ZPBP: variants seen among roughly 807,000 people sequenced by gnomAD.
ZPBP encodes the protein zona pellucida-binding protein 1.
A neutral mutation model predicts 44.8 loss-of-function variants in ZPBP; 26 were observed. The observed-to-expected ratio is 0.58, with a 90% CI of 0.43 to 0.81. The LOEUF (loss-of-function observed/expected upper bound fraction) is 0.81. Among genes scored for constraint, ZPBP ranks in the 30% least tolerant of loss-of-function variants. The probability of loss-of-function intolerance (pLI) is 0.00; values close to 1 mark genes in which losing one functional copy is unlikely to be tolerated. For synonymous variants in ZPBP, 174 were observed against 153.2 expected (o/e 1.14, Z -1.00); for missense variants, 409 against 434.0 (o/e 0.94, Z 0.51).
chr7:49,939,414 A>T (rs1045702140), intron 7 of ZPBP, among the ~76,000 whole-genome samples: 1 of 152,200 alleles, frequency 6.6e-6, no homozygotes. Context: ...TCCTATGTGT[A>T]GCACTCCTTC....
chr7:49,969,124 G>C (rs1796179185), intron 7 of ZPBP, among the ~76,000 whole-genome samples: 1 of 149,988 alleles, frequency 6.7e-6, no homozygotes, highest in South Asian at 2.1e-4. Context: ...CTTGTGATTA[G>C]TGATCTATAT....
the ZPBP span, among the ~76,000 whole-genome samples, chr7:49,843,340 A>G: frequency 6.6e-6 from 1 of 152,182 alleles, no homozygotes; most frequent in Non-Finnish European, 1.5e-5. Context: ...GAAACATCAG[A>G]TGTGAAAAAT....
chr7:50,086,142 A>T (rs1802634834), intron 2 of ZPBP, among the ~76,000 whole-genome samples: 1 of 152,152 alleles, frequency 6.6e-6, no homozygotes, highest in African/African-American at 2.4e-5. Context: ...GTTATGGGAT[A>T]AAGAATACAT....
At chr7:49,937,723 G>A (rs1316131555) in intron 7 of ZPBP, 101 bp from the exon 8 acceptor site, 1 of 928,942 alleles carries the variant, frequency 1.1e-6, no homozygotes, top group East Asian at 2.6e-5. Context: ...GTAGTATTAA[G>A]CATATTCACA....
At chr7:49,973,872 A>G (rs1796396448) in intron 7 of ZPBP, among the ~76,000 whole-genome samples, 1 of 152,312 alleles carries the variant, frequency 6.6e-6, no homozygotes, top group East Asian at 1.9e-4. Flanking sequence ...ACTAATGCTA[A>G]TAAAAGCATC....
At chr7:50,072,184 C>T (rs1801871358) in intron 3 of ZPBP, among the ~76,000 whole-genome samples, 1 of 152,140 alleles carries the variant, frequency 6.6e-6, no homozygotes, top group Non-Finnish European at 1.5e-5. Context: ...AAGCATGGGC[C>T]TTAAGGGAAC....
intron 5 of ZPBP, 138 bp from the exon 6 acceptor site, chr7:50,018,454 C>G: frequency 1.5e-6 from 1 of 685,414 alleles, no homozygotes; most frequent in Non-Finnish European, 2.4e-6. Flanking sequence ...TGCTAAATGA[C>G]TCTTCAGCAA....
At chr7:50,011,793 T>G (rs1798596331) in intron 6 of ZPBP, among the ~76,000 whole-genome samples, 1 of 152,140 alleles carries the variant, frequency 6.6e-6, no homozygotes, top group Admixed American at 6.6e-5. Context: ...GGCTCATGAC[T>G]GTAATCCCAG....
intron 7 of ZPBP, among the ~76,000 whole-genome samples, chr7:49,981,535 A>AT (rs1317883762): frequency 1.5e-4 from 4 of 27,390 alleles, no homozygotes; most frequent in African/African-American, 8.5e-4. Context: ...TATATATTAT[A>AT]ATTTTATATA....
chr7:49,977,966 C>T (rs1426677638), intron 7 of ZPBP, among the ~76,000 whole-genome samples: 2 of 151,952 alleles, frequency 1.3e-5, no homozygotes, highest in Non-Finnish European at 2.9e-5. Context: ...TTCTGATACA[C>T]CTATGAGTTT....
Position 50,056,755 on chromosome 7 carries a change from A to G in ZPBP, c.487+1234T>C, listed in dbSNP as rs527624897. 2.6e-5 allele frequency among the ~76,000 whole-genome samples: 4 copies of G among 152,216 alleles called. No individual in the cohort carries two copies. The East Asian group carries it at 7.7e-4, about 29-fold the overall frequency. ...TAGCCTCATGCATTTCGAGGAAATC[A>G]CCTCTCTTCTAATTACAAGCAGCCA... On this transcript the variant is annotated intron_variant, in intron 4 of 7. Coordinates refer to ENST00000046087, the MANE Select transcript of ZPBP (RefSeq NM_007009.3).
At chr7:49,889,189 C>A (rs1792027193) in intron 2 of ZPBP, among the ~76,000 whole-genome samples, 3 of 152,178 alleles carry the variant, frequency 2.0e-5, no homozygotes, top group African/African-American at 7.2e-5. Context: ...ACATCACAAA[C>A]AAGCTGATGT....
At position 49,881,670 on chromosome 7, in the gene ZPBP, T is replaced by C. The variant is rs542512862; in HGVS notation, n.509+19448A>G. On this transcript the variant is annotated intron_variant and non_coding_transcript_variant, in intron 2 of 2. Coordinates refer to the ZPBP transcript ENST00000465922. ...CACTACAATATTATTTCAGAATATA[T>C]TAGTTTTCCCTAAAAGTCTTTGGTT... Among the ~76,000 whole-genome samples, 17 of 152,332 alleles carry C rather than the reference T, an allele frequency of 1.1e-4. No homozygotes were observed. In the East Asian group the frequency reaches 3.3e-3, roughly 29 times the overall value.
intron 4 of ZPBP, among the ~76,000 whole-genome samples, chr7:50,032,863 T>C (rs903742855): frequency 6.6e-6 from 1 of 152,216 alleles, no homozygotes; most frequent in Admixed American, 6.5e-5. Flanking sequence ...AGATGATTCA[T>C]GGAATAGACT....
chr7:49,861,673 T>C (rs1790657938), intron 2 of ZPBP, among the ~76,000 whole-genome samples: 1 of 152,228 alleles, frequency 6.6e-6, no homozygotes, highest in African/African-American at 2.4e-5. Flanking sequence ...TTTTTGTATA[T>C]GGTATGAGGT....
chr7:49,866,562 TTGCC>T (rs1187296745), intron 2 of ZPBP, among the ~76,000 whole-genome samples: 121 of 152,334 alleles, frequency 7.9e-4, no homozygotes, highest in African/African-American at 2.7e-3. Context: ...GAGTTCGGGC[TTGCC>T]CATGTGACTC....
chr7:49,845,117 C>A, the ZPBP span, among the ~76,000 whole-genome samples: 4 of 152,008 alleles, frequency 2.6e-5, no homozygotes, highest in Non-Finnish European at 4.4e-5. Flanking sequence ...ACAACACACA[C>A]GGGGCCTGTC....
At chr7:49,846,433 A>C (rs1789948542), downstream of ZPBP, among the ~76,000 whole-genome samples, 2 of 152,196 alleles carry the variant, frequency 1.3e-5, no homozygotes, top group African/African-American at 4.8e-5. Flanking sequence ...TGACATCTGC[A>C]GAACAACATA....
chr7:50,035,655 A>T (rs1484659456), intron 4 of ZPBP, among the ~76,000 whole-genome samples: 1 of 152,192 alleles, frequency 6.6e-6, no homozygotes, highest in African/African-American at 2.4e-5. Context: ...ACATAAATAG[A>T]TGCTCAAAGA....
Sources: allele counts gnomAD v4.1 joint callset (sites outside exome capture counted in the v4.1 genomes callset), GRCh38; gene constraint gnomAD v4.1.1; transcripts MANE v1.5; gene names NCBI Gene and HGNC (gene_info 2026-07-23, HGNC 2026-07-21).